PTGR2: variants seen among roughly 807,000 people sequenced by gnomAD.
PTGR2 encodes 15-oxoprostaglandin 13-reductase.
Under a neutral mutation model 43.4 loss-of-function variants are expected in PTGR2, and 32 were observed. The observed-to-expected ratio is 0.74, with a 90% confidence interval of 0.56 to 0.99. PTGR2 has a LOEUF of 0.99. Ranked by LOEUF, PTGR2 falls within the 50% of genes least tolerant of loss-of-function variation. PTGR2 has a pLI of 0.00. For synonymous variants in PTGR2, 106 were observed against 139.2 expected (o/e 0.76, Z 1.68); for missense variants, 373 against 420.0 (o/e 0.89, Z 0.98).
chr14:73,874,192 T>G lies in PTGR2; in HGVS notation c.326T>G (p.Leu109Arg). 6.2e-7 allele frequency: 1 copy of G among 1,613,262 alleles called. No individual in the cohort carries two copies. The highest frequency in any genetic ancestry group is 8.5e-7 in the Non-Finnish European group (1 of 1,179,652). Residue 109 changes from leucine (L) to arginine (R), a missense_variant, in exon 4 of 10, where the codon CTG becomes CGG. Leu to Arg is a moderately radical substitution (Grantham distance 102). Coordinates refer to ENST00000555661, the MANE Select transcript of PTGR2 (RefSeq NM_001146154.2). ...TGGCCCTGGCAAACCAAGGTTATTC[T>G]GGATGGAAATAGCCTTGAAAAGGTG... is the stretch of plus-strand genomic sequence containing the variant. The part of the protein sequence containing the change: ...FYWPWQTKVI[L>R]DGNSLEKVDP...
intron 3 of PTGR2, among the ~76,000 whole-genome samples, chr14:73,863,851 G>A (rs901194829): frequency 3.3e-5 from 5 of 152,044 alleles, no homozygotes; most frequent in African/African-American, 1.2e-4. Context: ...CCTGACCTCA[G>A]GTGATCCACC....
At position 73,884,687 on chromosome 14, in the gene PTGR2, G is replaced by C. The variant is rs1274806036; in HGVS notation, c.*510G>C. 1 of 153,288 alleles carries C rather than the reference G, an allele frequency of 6.5e-6. No homozygotes were observed. Among genetic ancestry groups the C allele is most frequent in the Non-Finnish European group, 1.4e-5 (1 of 69,134 alleles). 9.5% of individuals were successfully genotyped at this position (153,288 alleles called of 1,614,324 possible). On this transcript the variant is annotated 3_prime_UTR_variant, in exon 10 of 10. Transcript: ENST00000555661. ...TTGTAGACTGAAAAGAGACTTAATG[G>C]TATGATGTGTACATAGGGACTGGGG...
intron 1 of PTGR2, among the ~76,000 whole-genome samples, chr14:73,853,945 A>G (rs17782216): frequency 0.49 from 74,291 of 151,852 alleles, 18,395 homozygotes; most frequent in South Asian, 0.61. Context: ...CCAAGTAGGA[A>G]TAGTATCCCA....
At chr14:73,864,903 G>A (rs1018546498) in intron 3 of PTGR2, among the ~76,000 whole-genome samples, 12 of 152,086 alleles carry the variant, frequency 7.9e-5, no homozygotes, top group African/African-American at 1.7e-4. Flanking sequence ...AGATTTAGTC[G>A]TATATTTTCT....
chr14:73,856,349 G>A (rs1049475557), intron 1 of PTGR2, among the ~76,000 whole-genome samples: 7 of 151,992 alleles, frequency 4.6e-5, no homozygotes, highest in Non-Finnish European at 7.4e-5. Context: ...GGGTTCAAGC[G>A]ATTCTCCTGC....
intron 3 of PTGR2, among the ~76,000 whole-genome samples, chr14:73,864,057 A>G (rs911131322): frequency 6.6e-6 from 1 of 152,222 alleles, no homozygotes; most frequent in Non-Finnish European, 1.5e-5. Context: ...TGTGCCTGGC[A>G]TAATATATGA....
chr14:73,857,241 T>TTG (rs1459649792), intron 1 of PTGR2, among the ~76,000 whole-genome samples: 5 of 151,584 alleles, frequency 3.3e-5, no homozygotes, highest in Non-Finnish European at 5.9e-5. Flanking sequence ...AATTTCCGTT[T>TTG]TTTTTTTTTT....
At chr14:73,865,723 A>G (rs1463094188) in intron 3 of PTGR2, among the ~76,000 whole-genome samples, 2 of 150,636 alleles carry the variant, frequency 1.3e-5, no homozygotes, top group African/African-American at 4.9e-5. Context: ...GTGAATATAC[A>G]GTCGTGTCAG....
At position 73,885,370 on chromosome 14, in the gene PTGR2, G is replaced by C. The variant is rs1268368204; in HGVS notation, c.*1193G>C. ...CAAATTAACAAATGTTTGTAAACAT[G>C]AATGTTCAGGAACTACTGATGTACC... On this transcript the variant is annotated 3_prime_UTR_variant, in exon 10 of 10. Coordinates refer to ENST00000555661, the MANE Select transcript of PTGR2 (RefSeq NM_001146154.2). 2 of 152,172 alleles carry C rather than the reference G, an allele frequency of 1.3e-5. No homozygotes were observed. The highest frequency in any genetic ancestry group is 2.9e-5 in the Non-Finnish European group (2 of 68,034). The allele number at this position is 152,172 out of a possible 1,614,324, so 9.4% of individuals were successfully genotyped here.
In PTGR2 at chr14:73,880,358, A is replaced by T. The variant is rs546070769; in HGVS notation, c.851+182A>T. The T allele has an allele frequency of 6.0e-5, 36 of 602,220 alleles. No individual in the cohort carries two copies. In the South Asian group the frequency reaches 6.1e-4, roughly 10 times the overall value. The allele number at this position is 602,220 out of a possible 1,614,324, so 37.3% of individuals were successfully genotyped here. ...GATGCCGAGACGGGTGGATTGCTTG[A>T]GGCCAGGAGTTCAAAACTAGCCTGG... On this transcript the variant is annotated intron_variant, in intron 7 of 9. Transcript: ENST00000555661.
intron 7 of PTGR2, 105 bp downstream of exon 7, chr14:73,880,281 T>C: frequency 7.0e-7 from 1 of 1,422,862 alleles, no homozygotes; most frequent in Non-Finnish European, 9.8e-7. Flanking sequence ...CTTTATTAAA[T>C]AAAACTTTAG....
chr14:73,859,039 T>TGTCTGGGAGG, intron 2 of PTGR2, 140 bp downstream of exon 2: 1 of 562,832 alleles, frequency 1.8e-6, no homozygotes, highest in African/African-American at 1.9e-5. Context: ...GAAGAAACTC[T>TGTCTGGGAGG]TTAAACGATG....
intron 1 of PTGR2, among the ~76,000 whole-genome samples, chr14:73,853,180 G>A (rs1318439352): frequency 6.6e-6 from 1 of 150,962 alleles, no homozygotes; most frequent in Non-Finnish European, 1.5e-5. Flanking sequence ...CAGAATAATC[G>A]CACGAAATAA....
At chr14:73,882,281 G>A in intron 8 of PTGR2, 118 bp from the exon 9 acceptor site, 1 of 660,294 alleles carries the variant, frequency 1.5e-6, no homozygotes, top group Non-Finnish European at 2.7e-6. Context: ...ATGAAATAAA[G>A]AATATCTATT....
chr14:73,879,718 A>T, intron 6 of PTGR2: 1 of 325,646 alleles, frequency 3.1e-6, no homozygotes, highest in South Asian at 3.3e-5. Context: ...TGAGGTATTA[A>T]CACTACATAG....
intron 6 of PTGR2, 184 bp from the exon 7 acceptor site, chr14:73,879,870 GT>G: frequency 1.9e-6 from 1 of 531,108 alleles, no homozygotes; most frequent in South Asian, 2.3e-5. Flanking sequence ...TTGCCTTGGT[GT>G]TCCTTTGGAA....
Position 73,860,635 on chromosome 14 carries a change from A to G in PTGR2, c.134A>G (p.Tyr45Cys), listed in dbSNP as rs758020464. 10 of 1,468,628 alleles carry G rather than the reference A, an allele frequency of 6.8e-6. No homozygotes were observed. The highest frequency in any genetic ancestry group is 1.8e-5 in the Admixed American group (1 of 54,380). 91.0% of individuals were successfully genotyped at this position (1,468,628 alleles called of 1,614,324 possible). A position where few individuals can be genotyped will look rare whatever the true frequency, so the allele number is the denominator to read the frequency against. The change falls in exon 3 of 10, where the codon TAT (tyrosine) becomes TGT (cysteine). Residue 45 changes from tyrosine to cysteine, a missense_variant. Transcript: ENST00000555661. ...GGACAAGTACAAGTTAGAACTCTTT[A>G]TCTTTCTGTGGATCCTTACATGGTA... ...NEGQVQVRTLYLSVDPYMRCR... is the reference protein window; with the variant it reads ...NEGQVQVRTLCLSVDPYMRCR...
intron 3 of PTGR2, among the ~76,000 whole-genome samples, chr14:73,866,681 A>G (rs908768814): frequency 3.3e-5 from 5 of 152,156 alleles, no homozygotes; most frequent in African/African-American, 1.2e-4. Context: ...TGTGTCTGCA[A>G]GGGTGTTTCT....
At chr14:73,878,619 G>T (rs2054915688) in intron 5 of PTGR2, 1 of 473,302 alleles carries the variant, frequency 2.1e-6, no homozygotes, top group East Asian at 6.4e-5. Context: ...GTATGTGGCT[G>T]AACAACTCCG....
Sources: gnomAD v4.1 joint callset for allele counts (sites outside exome capture counted in the v4.1 genomes callset) on GRCh38, gnomAD v4.1.1 for gene constraint, MANE v1.5 for transcripts, NCBI Gene and HGNC (gene_info 2026-07-23, HGNC 2026-07-21) for gene names.